PSIP1: variants seen among roughly 807,000 people sequenced by gnomAD.
PSIP1 encodes PC4 and SRSF1 interacting protein 1, also known as PC4 and SFRS1-interacting protein.
In PSIP1, 19 loss-of-function variants were observed where a neutral mutation model predicts 74.7. The observed-to-expected ratio is 0.25, with a 90% confidence interval of 0.18 to 0.37. The LOEUF is 0.37. Ranked by LOEUF, PSIP1 falls within the 10% of genes least tolerant of loss-of-function variation. PSIP1 has a pLI of 1.00. For missense variants in PSIP1, 601 were observed against 614.3 expected, an observed-to-expected ratio of 0.98 and a Z score of 0.23; for synonymous variants, 222 against 195.3, an observed-to-expected ratio of 1.14 and a Z score of -1.14.
rs184829274 is a variant in PSIP1 at position 15,474,336 on chromosome 9, A to C, written c.630-99T>G. 18 of 1,056,766 alleles carry C rather than the reference A, an allele frequency of 1.7e-5. No homozygotes were observed. In the African/African-American group the frequency reaches 2.6e-4, roughly 15 times the overall value. 65.5% of individuals were successfully genotyped at this position (1,056,766 alleles called of 1,614,324 possible). ...TTTTTAATTTAAAGGCAAATCTAAA[A>C]CAAAGTAAAAAGAGTGTCTTCACTA... On this transcript the variant is annotated intron_variant, in intron 8 of 15. Transcript: ENST00000380733.
intron 3 of PSIP1, among the ~76,000 whole-genome samples, chr9:15,499,487 TTCTC>T: frequency 6.6e-6 from 1 of 152,262 alleles, no homozygotes; most frequent in Middle Eastern, 3.4e-3. Context: ...AGACAAGCAG[TTCTC>T]TCTCTTAATT....
At chr9:15,490,753 A>C (rs2036795684) in intron 3 of PSIP1, among the ~76,000 whole-genome samples, 1 of 151,896 alleles carries the variant, frequency 6.6e-6, no homozygotes, top group African/African-American at 2.4e-5. Flanking sequence ...ACTTTGACAC[A>C]TTAGCATTAA....
intron 3 of PSIP1, among the ~76,000 whole-genome samples, chr9:15,499,202 A>ATT (rs752625887): frequency 4.6e-5 from 7 of 152,312 alleles, no homozygotes; most frequent in Non-Finnish European, 8.8e-5. Context: ...TCCTTTAACC[A>ATT]TTGTAATACA....
chr9:15,506,677 T>G (rs751102014), intron 2 of PSIP1, 40 bp from the exon 3 acceptor site: 5 of 1,412,316 alleles, frequency 3.5e-6, no homozygotes, highest in Admixed American at 3.4e-5. Flanking sequence ...TTTTAAATCA[T>G]ACACACCTCA....
At chr9:15,478,577 C>T (rs371545023) in intron 7 of PSIP1, 25 bp from the exon 8 acceptor site, 8 of 1,416,992 alleles carry the variant, frequency 5.6e-6, no homozygotes, top group Non-Finnish European at 8.0e-6. Flanking sequence ...GAAAAAAAAT[C>T]AGTAACTACT....
At chr9:15,500,621 A>C (rs148820626) in intron 3 of PSIP1, among the ~76,000 whole-genome samples, 1 of 152,166 alleles carries the variant, frequency 6.6e-6, no homozygotes, top group Non-Finnish European at 1.5e-5. Context: ...AAGATTCATT[A>C]CTTTATTTTC....
chr9:15,472,216 C>T, intron 10 of PSIP1: 2 of 988,318 alleles, frequency 2.0e-6, no homozygotes, highest in Non-Finnish European at 1.2e-6. Context: ...GCTTTTGTTA[C>T]TTTTGCTGGT....
In PSIP1 at chr9:15,493,965, T is replaced by G. The variant is rs183957217; in HGVS notation, c.150-3841A>C. Among the ~76,000 whole-genome samples, 356 of 152,244 alleles carry G rather than the reference T, an allele frequency of 2.3e-3. 1 individual carries two copies. Among genetic ancestry groups the G allele is most frequent in the Non-Finnish European group, 3.8e-3 (261 of 68,022 alleles). On this transcript the variant is annotated intron_variant, in intron 3 of 15. Transcript: ENST00000380733. The stretch of plus-strand genomic sequence containing the variant: ...CATTATCCAGGATGGACCCTGTACA[T>G]CTCCTCCCCACATCAGTGAGTCATA...
At chr9:15,486,999 A>G (rs1486648757) in intron 4 of PSIP1, 68 bp from the exon 5 acceptor site, 21 of 1,045,312 alleles carry the variant, frequency 2.0e-5, no homozygotes, top group African/African-American at 3.4e-5. Flanking sequence ...ACAATTCTTT[A>G]TTTTTATTTT....
chr9:15,468,123 TAAAAA>T (rs34755757), intron 14 of PSIP1, among the ~76,000 whole-genome samples: 5 of 140,500 alleles, frequency 3.6e-5, no homozygotes, highest in African/African-American at 8.0e-5. Context: ...CTCCATCTTT[TAAAAA>T]AAAAAAAAAA....
At chr9:15,510,083 G>A (rs762751137) in intron 2 of PSIP1, 34 bp downstream of exon 2, 10 of 1,586,066 alleles carry the variant, frequency 6.3e-6, no homozygotes, top group African/African-American at 2.7e-5. Context: ...GAGGAGGGTA[G>A]CACTGCTAAG....
At chr9:15,480,278 A>T (rs189611656) in intron 6 of PSIP1, among the ~76,000 whole-genome samples, 7 of 152,352 alleles carry the variant, frequency 4.6e-5, no homozygotes, top group Non-Finnish European at 8.8e-5. Context: ...TGTAAACATG[A>T]GGCAGCAGTT....
intron 2 of PSIP1, among the ~76,000 whole-genome samples, chr9:15,506,902 T>C (rs2037615660): frequency 6.6e-6 from 1 of 152,218 alleles, no homozygotes; most frequent in Admixed American, 6.5e-5. Context: ...TGTTGTTTCT[T>C]TGCAGACATA....
At chr9:15,488,120 G>A (rs889042415) in intron 4 of PSIP1, among the ~76,000 whole-genome samples, 2 of 151,998 alleles carry the variant, frequency 1.3e-5, no homozygotes, top group African/African-American at 4.8e-5. Context: ...CACGAGGTCA[G>A]GAGTTCAAGA....
chr9:15,469,473 T>C lies in PSIP1; in HGVS notation c.1034-137A>G, dbSNP rs2035750260. On this transcript the variant is annotated intron_variant, in intron 11 of 15. Coordinates refer to ENST00000380733, the MANE Select transcript of PSIP1 (RefSeq NM_033222.5). The stretch of plus-strand genomic sequence containing the variant: ...ATCTTTACTAAGAAGCTCAAAGATA[T>C]GCACAATAGCTTAACTAAGAATAAG... The C allele has an allele frequency of 3.1e-5, 18 of 574,644 alleles. No homozygotes were observed. The East Asian group carries it at 4.2e-4, about 13-fold the overall frequency. The allele number at this position is 574,644 out of a possible 1,614,324, so 35.6% of individuals were successfully genotyped here.
intron 10 of PSIP1, chr9:15,470,861 A>G (rs2035793831): frequency 9.3e-7 from 1 of 1,073,836 alleles, no homozygotes; most frequent in Admixed American, 5.2e-5. Flanking sequence ...TTTCTAGATG[A>G]ATAATGTACA....
At chr9:15,501,150 T>C (rs78658416) in intron 3 of PSIP1, among the ~76,000 whole-genome samples, 6,524 of 152,088 alleles carry the variant, frequency 0.043, 467 homozygotes, top group African/African-American at 0.15. Flanking sequence ...CCCAAGGTTA[T>C]ATAGCAGGTA....
At chr9:15,492,926 C>T (rs535349206) in intron 3 of PSIP1, among the ~76,000 whole-genome samples, 5 of 152,276 alleles carry the variant, frequency 3.3e-5, no homozygotes, top group Admixed American at 2.0e-4. Flanking sequence ...CAACGCTGCA[C>T]GCAGCAGGAA....
At chr9:15,489,843 C>A in intron 4 of PSIP1, 143 bp downstream of exon 4, 3 of 596,406 alleles carry the variant, frequency 5.0e-6, no homozygotes, top group Admixed American at 8.3e-5. Context: ...TATAAAATGC[C>A]CAAGGTTCAA....
Sources: allele counts gnomAD v4.1 joint callset (sites outside exome capture counted in the v4.1 genomes callset), GRCh38; gene constraint gnomAD v4.1.1; transcripts MANE v1.5; gene names NCBI Gene and HGNC (gene_info 2026-07-23, HGNC 2026-07-21).